KCNK9: variants seen among roughly 807,000 people sequenced by gnomAD.
KCNK9 encodes potassium channel subfamily K member 9.
Under a neutral mutation model 10.8 loss-of-function variants are expected in KCNK9, and 1 was observed. That is an observed-to-expected ratio of 0.09 (90% CI 0.03 to 0.44). The LOEUF (loss-of-function observed/expected upper bound fraction) is 0.44, where lower values mean the gene tolerates loss of function less well. KCNK9 is among the 20% of genes least tolerant of loss of function. KCNK9 has a pLI of 0.97. For synonymous variants in KCNK9, 231 were observed against 222.7 expected (o/e 1.04, Z -0.33); for missense variants, 303 against 515.0 (o/e 0.59, Z 3.98).
At chr8:139,639,375 A>G (rs572657241) in intron 1 of KCNK9, among the ~76,000 whole-genome samples, 1 of 152,312 alleles carries the variant, frequency 6.6e-6, no homozygotes, top group African/African-American at 2.4e-5. Flanking sequence ...CTCTGCCTGC[A>G]TCTGCTCATT....
chr8:139,662,697 C>G (rs919701718), intron 1 of KCNK9, among the ~76,000 whole-genome samples: 1 of 152,034 alleles, frequency 6.6e-6, no homozygotes, highest in African/African-American at 2.4e-5. Context: ...GCAGCCACAG[C>G]CATTTTCAAC....
intron 1 of KCNK9, among the ~76,000 whole-genome samples, chr8:139,640,644 C>A (rs982004958): frequency 7.9e-5 from 12 of 152,214 alleles, no homozygotes; most frequent in Non-Finnish European, 1.6e-4. Context: ...CCCCTCTTGC[C>A]CTGTGGGGCT....
intron 1 of KCNK9, among the ~76,000 whole-genome samples, chr8:139,659,272 C>T (rs1193866458): frequency 6.6e-6 from 1 of 152,134 alleles, no homozygotes; most frequent in East Asian, 1.9e-4. Flanking sequence ...GAGACCTGAC[C>T]CAAGGCTTTC....
intron 1 of KCNK9, among the ~76,000 whole-genome samples, chr8:139,620,234 T>TC (rs1008454778): frequency 2.6e-5 from 4 of 151,928 alleles, no homozygotes; most frequent in African/African-American, 9.7e-5. Context: ...GGACAGTGTT[T>TC]TTTTGGACAG....
At chr8:139,644,869 G>A (rs73358050) in intron 1 of KCNK9, among the ~76,000 whole-genome samples, 9,804 of 151,942 alleles carry the variant, frequency 0.065, 1,032 homozygotes, top group African/African-American at 0.22. Context: ...TGCCTCCCCC[G>A]CGGAGCTGTC....
chr8:139,640,897 G>A (rs1815485893), intron 1 of KCNK9, among the ~76,000 whole-genome samples: 1 of 152,254 alleles, frequency 6.6e-6, no homozygotes, highest in Non-Finnish European at 1.5e-5. Context: ...GCTCACTGGA[G>A]GTGCCAGGCC....
intron 1 of KCNK9, among the ~76,000 whole-genome samples, chr8:139,636,102 G>A (rs759000619): frequency 1.5e-4 from 23 of 152,178 alleles, no homozygotes; most frequent in Non-Finnish European, 2.8e-4. Flanking sequence ...CCAATATGGT[G>A]GCCAGGATTT....
rs1815026428 is a variant in KCNK9 at position 139,627,852 on chromosome 8, A to G, written c.284-8753T>C. On this transcript the variant is annotated intron_variant, in intron 1 of 1. Coordinates refer to ENST00000520439, the MANE Select transcript of KCNK9 (RefSeq NM_001282534.2). Reference sequence around the variant, plus strand: ...TCCTGGGGAGAGGGGCTGGAAGGTAACAGGGCTGTGAGCAGGGAATGGCCA... The same window carrying G: ...TCCTGGGGAGAGGGGCTGGAAGGTAGCAGGGCTGTGAGCAGGGAATGGCCA... Among the ~76,000 whole-genome samples the G allele has an allele frequency of 3.3e-5, 5 of 152,368 alleles. No homozygotes were observed. In the South Asian group the frequency reaches 1.0e-3, roughly 32 times the overall value.
chr8:139,624,986 C>T (rs1159375877), intron 1 of KCNK9, among the ~76,000 whole-genome samples: 1 of 152,354 alleles, frequency 6.6e-6, no homozygotes, highest in East Asian at 1.9e-4. Flanking sequence ...GACCCCTCTA[C>T]TTCCTCATCT....
chr8:139,663,841 C>T (rs980301802), intron 1 of KCNK9, among the ~76,000 whole-genome samples: 4 of 152,122 alleles, frequency 2.6e-5, no homozygotes, highest in African/African-American at 9.7e-5. Context: ...CGATTGCTGT[C>T]GCTTTGCACC....
At chr8:139,612,054 GA>G (rs1814442746), downstream of KCNK9, 1 of 152,214 alleles carries the variant, frequency 6.6e-6, no homozygotes, top group Admixed American at 6.5e-5. Flanking sequence ...CCCAGAAGAG[GA>G]CATCGCCAAG....
chr8:139,675,629 T>C (rs1043519009), intron 1 of KCNK9, among the ~76,000 whole-genome samples: 5 of 152,130 alleles, frequency 3.3e-5, no homozygotes, highest in African/African-American at 1.2e-4. Flanking sequence ...TCAAATGCTG[T>C]TGTTTCTGAG....
chr8:139,685,398 C>T (rs1448945735), intron 1 of KCNK9, among the ~76,000 whole-genome samples: 1 of 152,116 alleles, frequency 6.6e-6, no homozygotes, highest in African/African-American at 2.4e-5. Flanking sequence ...TCGTCGTTTA[C>T]ATTAGGTATT....
At chr8:139,677,788 G>T in intron 1 of KCNK9, among the ~76,000 whole-genome samples, 1 of 146,102 alleles carries the variant, frequency 6.8e-6, no homozygotes, top group African/African-American at 2.7e-5. Flanking sequence ...CCCCATGGCT[G>T]CAGAGTAATA....
At chr8:139,635,712 A>T (rs1815315862) in intron 1 of KCNK9, among the ~76,000 whole-genome samples, 1 of 152,212 alleles carries the variant, frequency 6.6e-6, no homozygotes, top group Non-Finnish European at 1.5e-5. Flanking sequence ...ACTGAAGAGA[A>T]TCACAAAAGA....
intron 1 of KCNK9, among the ~76,000 whole-genome samples, chr8:139,669,529 G>A (rs546468261): frequency 6.6e-6 from 1 of 152,318 alleles, no homozygotes; most frequent in East Asian, 1.9e-4. Context: ...TCCATAAGAA[G>A]GAACTCCTCA....
At chr8:139,648,871 C>G (rs1357424498) in intron 1 of KCNK9, among the ~76,000 whole-genome samples, 1 of 152,222 alleles carries the variant, frequency 6.6e-6, no homozygotes, top group Non-Finnish European at 1.5e-5. Context: ...CCCATCCCCC[C>G]ACTGCCTTTC....
At chr8:139,696,018 C>A (rs1817041852) in intron 1 of KCNK9, among the ~76,000 whole-genome samples, 1 of 152,124 alleles carries the variant, frequency 6.6e-6, no homozygotes, top group Non-Finnish European at 1.5e-5. Context: ...CCCCACGTTC[C>A]AGTTTCTAAA....
At chr8:139,620,874 G>C (rs1814756121) in intron 1 of KCNK9, among the ~76,000 whole-genome samples, 1 of 152,194 alleles carries the variant, frequency 6.6e-6, no homozygotes, top group African/African-American at 2.4e-5. Context: ...AATCTGAAGA[G>C]CAGAGAGGAA....
Sources: gnomAD v4.1 joint callset for allele counts (sites outside exome capture counted in the v4.1 genomes callset) on GRCh38, gnomAD v4.1.1 for gene constraint, MANE v1.5 for transcripts, NCBI Gene and HGNC (gene_info 2026-07-23, HGNC 2026-07-21) for gene names.